The following MEMO1 variants were observed in gnomAD, a reference collection of about 807,000 sequenced individuals.
MEMO1 encodes the protein protein MEMO1.
In MEMO1, 6 loss-of-function variants were observed where a neutral mutation model predicts 45.2. That is an observed-to-expected ratio of 0.13 (90% CI 0.07 to 0.26). The LOEUF (loss-of-function observed/expected upper bound fraction) is 0.26. Ranked by LOEUF, MEMO1 falls within the 10% of genes least tolerant of loss-of-function variation. The pLI, the probability that MEMO1 is intolerant of heterozygous loss-of-function variation, is 1.00. For missense variants in MEMO1, 184 were observed against 370.5 expected (o/e 0.50, Z 4.13); for synonymous variants, 78 against 124.3 (o/e 0.63, Z 2.48).
At chr2:31,962,686 T>C (rs1668143536) in intron 2 of MEMO1, among the ~76,000 whole-genome samples, 1 of 152,188 alleles carries the variant, frequency 6.6e-6, no homozygotes, top group Admixed American at 6.5e-5. Flanking sequence ...AATCTCAAAG[T>C]GTTTTCATCA....
rs547616264 is a variant in MEMO1, at chr2:31,889,383, G to C, written c.580+2609C>G. ...AAATTTAGAAGTCAGTGTTATGATT[G>C]CTTCTATATAATAAAAATCAAGCTG... On this transcript the variant is annotated intron_variant, in intron 7 of 9. Coordinates refer to ENST00000404530, the MANE Select transcript of MEMO1 (RefSeq NM_001301833.4). Among the ~76,000 whole-genome samples the C allele has an allele frequency of 7.2e-5, 11 of 152,134 alleles. No homozygotes were observed. In the South Asian group the frequency reaches 1.5e-3, roughly 20 times the overall value.
intron 2 of MEMO1, among the ~76,000 whole-genome samples, chr2:31,988,305 G>A (rs926408571): frequency 2.0e-5 from 3 of 152,060 alleles, no homozygotes; most frequent in Admixed American, 6.5e-5. Context: ...CCAGCACTTC[G>A]GGAGGCTGAG....
intron 2 of MEMO1, among the ~76,000 whole-genome samples, chr2:32,005,361 T>C (rs969981095): frequency 2.0e-5 from 3 of 147,628 alleles, no homozygotes; most frequent in Non-Finnish European, 3.0e-5. Context: ...ACATACTATA[T>C]AATTCCACTG....
chr2:31,932,461 CAG>C (rs2148253378), intron 3 of MEMO1, among the ~76,000 whole-genome samples: 1 of 149,846 alleles, frequency 6.7e-6, no homozygotes, highest in Non-Finnish European at 1.5e-5. Context: ...TTTTTTGAGA[CAG>C]AGTCTCACTT....
chr2:31,981,359 T>A (rs540385098), intron 2 of MEMO1, among the ~76,000 whole-genome samples: 1 of 152,308 alleles, frequency 6.6e-6, no homozygotes, highest in Admixed American at 6.5e-5. Context: ...TCATTTACCT[T>A]CCCATAATAA....
chr2:32,002,059 T>C (rs1047127861), intron 2 of MEMO1, among the ~76,000 whole-genome samples: 2 of 146,156 alleles, frequency 1.4e-5, no homozygotes, highest in African/African-American at 5.1e-5. Context: ...GGCAGGGGAA[T>C]CGCTTGAACC....
At chr2:31,888,043 T>C (rs529545357) in intron 7 of MEMO1, among the ~76,000 whole-genome samples, 1 of 152,038 alleles carries the variant, frequency 6.6e-6, no homozygotes, top group Admixed American at 6.6e-5. Flanking sequence ...AAATTCAAAA[T>C]TGCTGAAAAG....
At chr2:31,923,762 G>A (rs895114830) in intron 4 of MEMO1, 45 of 1,518,974 alleles carry the variant, frequency 3.0e-5, no homozygotes, top group Non-Finnish European at 3.7e-5. Flanking sequence ...AATATGAAGT[G>A]ATTTTTAAAA....
intron 2 of MEMO1, among the ~76,000 whole-genome samples, chr2:31,944,457 G>A (rs1270005596): frequency 6.6e-6 from 1 of 152,184 alleles, no homozygotes; most frequent in Non-Finnish European, 1.5e-5. Context: ...CTGAGAAACT[G>A]CTAAATCACA....
At chr2:32,008,008 C>T (rs575433688) in intron 2 of MEMO1, among the ~76,000 whole-genome samples, 21 of 152,168 alleles carry the variant, frequency 1.4e-4, no homozygotes, top group African/African-American at 4.6e-4. Context: ...ATGCACATTA[C>T]CAAAAATGGC....
chr2:31,896,314 C>T (rs187536415), intron 6 of MEMO1, among the ~76,000 whole-genome samples: 87 of 152,176 alleles, frequency 5.7e-4, no homozygotes, highest in Non-Finnish European at 4.7e-4. Flanking sequence ...AAATTGGATC[C>T]TAGAACTATA....
chr2:31,995,890 C>G (rs1007259038), intron 2 of MEMO1, among the ~76,000 whole-genome samples: 1 of 152,062 alleles, frequency 6.6e-6, no homozygotes, highest in Non-Finnish European at 1.5e-5. Flanking sequence ...AGAAAAGACA[C>G]ACTATATTCA....
chr2:31,940,613 T>C (rs1165005779), intron 3 of MEMO1, among the ~76,000 whole-genome samples: 1 of 152,186 alleles, frequency 6.6e-6, no homozygotes, highest in Non-Finnish European at 1.5e-5. Context: ...AAACAGACCA[T>C]AGCTCACTGT....
At chr2:31,937,537 C>G (rs1358609822) in intron 3 of MEMO1, among the ~76,000 whole-genome samples, 1 of 152,154 alleles carries the variant, frequency 6.6e-6, no homozygotes, top group Non-Finnish European at 1.5e-5. Context: ...AGGTATGCTT[C>G]ACTATATACA....
chr2:31,976,521 T>C (rs1256652549), intron 2 of MEMO1, among the ~76,000 whole-genome samples: 1 of 151,620 alleles, frequency 6.6e-6, no homozygotes, highest in Admixed American at 6.6e-5. Flanking sequence ...GAGGTTGCAG[T>C]GAGCTGAAAT....
chr2:31,924,670 C>T (rs139153476), intron 4 of MEMO1, among the ~76,000 whole-genome samples: 26 of 152,142 alleles, frequency 1.7e-4, no homozygotes, highest in African/African-American at 5.8e-4. Context: ...ATTTTGTAAA[C>T]GTGTTTCACA....
intron 2 of MEMO1, among the ~76,000 whole-genome samples, chr2:31,998,666 G>C (rs996605513): frequency 6.6e-6 from 1 of 152,250 alleles, no homozygotes; most frequent in African/African-American, 2.4e-5. Flanking sequence ...TGGGCATGGT[G>C]GTGGGCGCCT....
chr2:31,932,393 T>C (rs546087048), intron 3 of MEMO1, among the ~76,000 whole-genome samples: 1 of 152,236 alleles, frequency 6.6e-6, no homozygotes, highest in Non-Finnish European at 1.5e-5. Flanking sequence ...GGTGTTCAAG[T>C]TTACTTGAAG....
At chr2:31,937,118 C>T (rs910895885) in intron 3 of MEMO1, among the ~76,000 whole-genome samples, 5 of 152,296 alleles carry the variant, frequency 3.3e-5, no homozygotes, top group Admixed American at 1.3e-4. Context: ...TTTAATTTTG[C>T]TGTACCTAGT....
Sources: gnomAD v4.1 joint callset for allele counts (sites outside exome capture counted in the v4.1 genomes callset) on GRCh38, gnomAD v4.1.1 for gene constraint, MANE v1.5 for transcripts, NCBI Gene and HGNC (gene_info 2026-07-23, HGNC 2026-07-21) for gene names.